TMC8: variants seen among roughly 807,000 people sequenced by gnomAD.
The protein encoded by TMC8 is transmembrane channel-like protein 8.
TMC8 carries 71 observed loss-of-function variants against 76.0 expected under a neutral mutation model. The ratio of observed to expected loss-of-function variants is 0.93; its 90% CI spans 0.77 to 1.14. TMC8 has a LOEUF of 1.14. TMC8 is among the 50% of genes most tolerant of loss of function. The probability of loss-of-function intolerance (pLI) is 0.00; values close to 1 mark genes in which losing one functional copy is unlikely to be tolerated. For missense variants in TMC8, 924 were observed against 947.9 expected (o/e 0.97, Z 0.33); for synonymous variants, 433 against 433.8 (o/e 1.00, Z 0.02).
Position 78,131,701 on chromosome 17 carries a change from G to A in TMC8, c.113G>A (p.Gly38Glu), listed in dbSNP as rs1014727491. 1.8e-5 allele frequency: 28 copies of A among 1,581,720 alleles called. No individual in the cohort carries two copies. The highest frequency in any genetic ancestry group is 2.4e-5 in the Non-Finnish European group (28 of 1,165,972). Residue 38 changes from glycine (G) to glutamate (E), a missense_variant, in exon 2 of 16, where the codon GGG becomes GAG. By Grantham distance (98) the Gly-to-Glu change is moderately conservative (BLOSUM62 -2). Transcript: ENST00000318430. ...RLRGSGTPVRGLPYAMMDKRL... is the reference protein window; with the variant it reads ...RLRGSGTPVRELPYAMMDKRL... ...CGCGGCTCTGGGACGCCCGTGCGCG[G>A]GCTGCCCTATGCCATGATGGACAAG...
intron 10 of TMC8, 32 bp from the exon 11 acceptor site, chr17:78,137,685 G>A: frequency 6.3e-7 from 1 of 1,589,156 alleles, no homozygotes; most frequent in Non-Finnish European, 8.6e-7. Flanking sequence ...GTGGCCGTGA[G>A]TGGTGACGGG....
intron 15 of TMC8, among the ~76,000 whole-genome samples, chr17:78,140,398 C>G (rs2075342949): frequency 6.6e-6 from 1 of 151,882 alleles, no homozygotes; most frequent in Admixed American, 6.6e-5. Context: ...GAACAGTGAC[C>G]TGGCTAAGGC....
At chr17:78,132,211 C>T in intron 3 of TMC8, 148 bp from the exon 4 acceptor site, 1 of 1,376,974 alleles carries the variant, frequency 7.3e-7, no homozygotes, top group Non-Finnish European at 1.0e-6. Context: ...CGCAGCACCC[C>T]CAGGTGACTG....
intron 5 of TMC8, 94 bp from the exon 6 acceptor site, chr17:78,133,312 G>T: frequency 6.3e-7 from 1 of 1,593,418 alleles, no homozygotes; most frequent in South Asian, 1.1e-5. Context: ...ACCTGATGGG[G>T]GGATTGCACG....
At chr17:78,133,102 G>GGT (rs2145619758) in intron 5 of TMC8, among the ~76,000 whole-genome samples, 1 of 151,132 alleles carries the variant, frequency 6.6e-6, no homozygotes, top group East Asian at 1.9e-4. Flanking sequence ...GAGCCCAGCT[G>GGT]GTGTAGGCGG....
chr17:78,131,702 G>T lies in TMC8; in HGVS notation c.114G>T (p.Gly38=). 6.3e-7 allele frequency: 1 copy of T among 1,581,692 alleles called. No homozygotes were observed. Among genetic ancestry groups the T allele is most frequent in the Non-Finnish European group, 8.6e-7 (1 of 1,165,932 alleles). The change falls in exon 2 of 16, where the codon GGG becomes GGT. Residue 38 remains glycine, a synonymous_variant. Transcript: ENST00000318430. ...RLRGSGTPVR[G]LPYAMMDKRL... is the part of the protein sequence containing the mutation. ...GCGGCTCTGGGACGCCCGTGCGCGG[G>T]CTGCCCTATGCCATGATGGACAAGC...
At chr17:78,133,008 C>A in intron 5 of TMC8, 138 bp downstream of exon 5, 1 of 1,002,804 alleles carries the variant, frequency 1.0e-6, no homozygotes, top group Non-Finnish European at 1.6e-6. Flanking sequence ...CCTAGACAGA[C>A]TGGCCTGGCC....
At position 78,138,752 on chromosome 17, in the gene TMC8, C is replaced by G. The variant is rs780193567; in HGVS notation, c.1823+20C>G. On this transcript the variant is annotated intron_variant, in intron 14 of 15. Coordinates refer to ENST00000318430, the MANE Select transcript of TMC8 (RefSeq NM_152468.5). Reference sequence around the variant, plus strand: ...GCTCAGGTTCTCAGGGCAGCCGGGGCCATGGGAGGGGACACCTGGAGGGGG... The same window carrying G: ...GCTCAGGTTCTCAGGGCAGCCGGGGGCATGGGAGGGGACACCTGGAGGGGG... 4.6e-5 allele frequency: 73 copies of G among 1,602,260 alleles called. No homozygotes were observed. The Admixed American group carries it at 1.2e-3, about 26-fold the overall frequency.
At chr17:78,135,098 C>T in intron 9 of TMC8, 89 bp downstream of exon 9, 1 of 1,564,714 alleles carries the variant, frequency 6.4e-7, no homozygotes, top group Admixed American at 1.7e-5. Context: ...CACCTGGGGT[C>T]CCCAGCTGAG....
Position 78,131,613 on chromosome 17 carries a change from T to C in TMC8, c.25T>C (p.Ser9Pro), listed in dbSNP as rs779748966. 7.7e-5 allele frequency: 120 copies of C among 1,549,174 alleles called. No individual in the cohort carries two copies. The highest frequency in any genetic ancestry group is 9.7e-5 in the Non-Finnish European group (111 of 1,147,946). The change falls in exon 2 of 16, where the codon TCG (serine) becomes CCG (proline). Residue 9 changes from serine (S) to proline (P), a missense_variant. Physicochemically the swap from Ser to Pro is moderately conservative, Grantham distance 74. Transcript: ENST00000318430. The part of the protein sequence containing the change: MLLPRSVS[S>P]ERAPGVPEPE... ...GATGCTGCTGCCGCGGTCGGTGTCATCGGAGCGGGCCCCTGGGGTGCCGGA... is the reference window on the plus strand; with the variant it reads ...GATGCTGCTGCCGCGGTCGGTGTCACCGGAGCGGGCCCCTGGGGTGCCGGA...
chr17:78,137,876 A>G (rs2075275114), intron 11 of TMC8, 62 bp downstream of exon 11: 9 of 1,600,092 alleles, frequency 5.6e-6, no homozygotes, highest in Non-Finnish European at 7.7e-6. Flanking sequence ...GGGGGTGGCC[A>G]GTGGCTACAG....
rs2075034306 is a variant in TMC8, at chr17:78,132,391, A to C, written c.331A>C (p.Thr111Pro). 6.2e-7 allele frequency: 1 copy of C among 1,612,108 alleles called. No homozygotes were observed. Among genetic ancestry groups the C allele is most frequent in the African/African-American group, 1.3e-5 (1 of 74,652 alleles). Residue 111 changes from threonine (T) to proline (P), a missense_variant, in exon 4 of 16, where the codon ACC becomes CCC. By Grantham distance (38) the Thr-to-Pro change is conservative. Transcript: ENST00000318430. ...CGGCACAGGAATTCGGTCCTACTTC[A>C]CCTTCCTCCGCTTCCTGCTGCTACT... ...LFGTGIRSYF[T>P]FLRFLLLLNL...
chr17:78,133,153 G>A (rs2075084513), intron 5 of TMC8, among the ~76,000 whole-genome samples: 1 of 152,206 alleles, frequency 6.6e-6, no homozygotes, highest in East Asian at 1.9e-4. Context: ...GCCTCTGGGA[G>A]AAGCACTTCC....
rs1598908952 is a variant in TMC8, at chr17:78,134,106, A to G, written c.816+106A>G. ...GTGTGCGAGCAAGTGCGACCGTGCCAGTGTGTGTGAGCGTGTGTGGGAGGG... is the reference window on the plus strand; with the variant it reads ...GTGTGCGAGCAAGTGCGACCGTGCCGGTGTGTGTGAGCGTGTGTGGGAGGG... On this transcript the variant is annotated intron_variant, in intron 7 of 15. Coordinates refer to ENST00000318430, the MANE Select transcript of TMC8 (RefSeq NM_152468.5). The G allele has an allele frequency of 2.6e-6, 4 of 1,519,652 alleles. No individual in the cohort carries two copies. In the East Asian group the frequency reaches 6.8e-5, roughly 26 times the overall value. The allele number at this position is 1,519,652 out of a possible 1,614,324, so 94.1% of individuals were successfully genotyped here. A position where few individuals can be genotyped will look rare whatever the true frequency, so the allele number is the denominator to read the frequency against.
At position 78,142,265 on chromosome 17, in the gene TMC8, G is replaced by C. The variant is rs925998765; in HGVS notation, c.*1153G>C. 6.6e-6 allele frequency: 1 copy of C among 152,244 alleles called. No individual in the cohort carries two copies. Among genetic ancestry groups the C allele is most frequent in the African/African-American group, 2.4e-5 (1 of 41,444 alleles). 9.4% of individuals were successfully genotyped at this position (152,244 alleles called of 1,614,324 possible). A position where few individuals can be genotyped will look rare whatever the true frequency, so the allele number is the denominator to read the frequency against. ...GGGTGTGGCCAGCAGCCAGGGCATCGGGACTTTTCGAAGCTCCCAGGTGAC... is the reference window on the plus strand; with the variant it reads ...GGGTGTGGCCAGCAGCCAGGGCATCCGGACTTTTCGAAGCTCCCAGGTGAC... On this transcript the variant is annotated 3_prime_UTR_variant, in exon 16 of 16. Transcript: ENST00000318430.
rs1451563046 is a variant in TMC8 at position 78,142,067 on chromosome 17, G to T, written c.*955G>T. The T allele has an allele frequency of 6.5e-6, 1 of 152,870 alleles. No homozygotes were observed. Among genetic ancestry groups the T allele is most frequent in the African/African-American group, 2.4e-5 (1 of 41,480 alleles). The allele number at this position is 152,870 out of a possible 1,614,324, so 9.5% of individuals were successfully genotyped here. Reference sequence around the variant, plus strand: ...GGGCAGGGCCCGGCCCCCCTCCCAAGGCTGTGTCTGATATTCTTGAGCCTG... The same window carrying T: ...GGGCAGGGCCCGGCCCCCCTCCCAATGCTGTGTCTGATATTCTTGAGCCTG... On this transcript the variant is annotated 3_prime_UTR_variant, in exon 16 of 16. Transcript: ENST00000318430.
Position 78,134,577 on chromosome 17 carries a change from T to A in TMC8, c.987+13T>A. ...GGACAACAAGGAGGTGTCAGGCAAC[T>A]GCATTCATTTAATCCTGGCCAGAAC... On this transcript the variant is annotated intron_variant, in intron 8 of 15. Coordinates refer to ENST00000318430, the MANE Select transcript of TMC8 (RefSeq NM_152468.5). 6.2e-7 allele frequency: 1 copy of A among 1,613,972 alleles called. No individual in the cohort carries two copies. The highest frequency in any genetic ancestry group is 8.5e-7 in the Non-Finnish European group (1 of 1,179,990).
intron 15 of TMC8, among the ~76,000 whole-genome samples, chr17:78,140,450 G>A (rs772920781): frequency 6.6e-6 from 1 of 152,060 alleles, no homozygotes; most frequent in Non-Finnish European, 1.5e-5. Context: ...GTGGCCTTGG[G>A]CTGCTTGGGG....
At chr17:78,137,891 G>A in intron 11 of TMC8, 77 bp downstream of exon 11, 2 of 1,596,474 alleles carry the variant, frequency 1.3e-6, no homozygotes, top group Non-Finnish European at 8.5e-7. Context: ...CTACAGCCAA[G>A]GGTGAGCGGG....
Sources: allele counts gnomAD v4.1 joint callset (sites outside exome capture counted in the v4.1 genomes callset), GRCh38; gene constraint gnomAD v4.1.1; transcripts MANE v1.5; gene names NCBI Gene and HGNC (gene_info 2026-07-23, HGNC 2026-07-21).